TXNDC5: variants seen among roughly 807,000 people sequenced by gnomAD.
TXNDC5 encodes thioredoxin domain-containing protein 5.
TXNDC5 carries 44 observed loss-of-function variants against 52.6 expected under a neutral mutation model. The ratio of observed to expected loss-of-function variants is 0.84; its 90% CI spans 0.66 to 1.08. The LOEUF is 1.08. TXNDC5 is among the 50% of genes least tolerant of loss of function. TXNDC5 has a pLI of 0.00. For synonymous variants in TXNDC5, 241 were observed against 234.4 expected, an observed-to-expected ratio of 1.03 and a Z score of -0.26; for missense variants, 600 against 565.5, an observed-to-expected ratio of 1.06 and a Z score of -0.62.
chr6:7,910,661 T>C lies in TXNDC5; in HGVS notation c.116A>G (p.Gln39Arg). 8.7e-7 allele frequency: 1 copy of C among 1,146,158 alleles called. No individual in the cohort carries two copies. The highest frequency in any genetic ancestry group is 1.1e-6 in the Non-Finnish European group (1 of 921,290). The allele number at this position is 1,146,158 out of a possible 1,614,324, so 71.0% of individuals were successfully genotyped here. A position where few individuals can be genotyped will look rare whatever the true frequency, so the allele number is the denominator to read the frequency against. The change falls in exon 1 of 10, where the codon CAG (glutamine) becomes CGG (arginine). Residue 39 changes from glutamine to arginine, a missense_variant. By Grantham distance (43) the Gln-to-Arg change is conservative. Coordinates refer to ENST00000379757, the MANE Select transcript of TXNDC5 (RefSeq NM_030810.5). ...GTCCGCCGCCGCCGCCGCCGCCTCCTGGGCCCGGGCGCCCCAGCGCCCGCC... is the reference window on the plus strand; with the variant it reads ...GTCCGCCGCCGCCGCCGCCGCCTCCCGGGCCCGGGCGCCCCAGCGCCCGCC... ...GGGGRWGARAQEAAAAAADGP... is the reference protein window; with the variant it reads ...GGGGRWGARAREAAAAAADGP...
At chr6:7,894,861 C>G in intron 4 of TXNDC5, 3 of 985,416 alleles carry the variant, frequency 3.0e-6, no homozygotes, top group Non-Finnish European at 3.6e-6. Context: ...CACTGTCCAG[C>G]TAGTGTGCGG....
intron 1 of TXNDC5, 58 bp downstream of exon 1, chr6:7,910,456 G>A (rs1229904582): frequency 3.8e-5 from 50 of 1,302,254 alleles, no homozygotes; most frequent in Non-Finnish European, 4.7e-5. Context: ...GCGCCCAAGC[G>A]CCCCACGCCC....
chr6:7,906,303 C>T (rs759176076), intron 1 of TXNDC5, among the ~76,000 whole-genome samples: 3 of 151,858 alleles, frequency 2.0e-5, no homozygotes, highest in Admixed American at 6.6e-5. Context: ...TTTGGGAAGC[C>T]GAAGCAAGCG....
intron 3 of TXNDC5, among the ~76,000 whole-genome samples, chr6:7,896,210 C>G (rs1760364250): frequency 2.6e-5 from 4 of 152,140 alleles, no homozygotes; most frequent in Admixed American, 2.6e-4. Context: ...ATGGCATGAA[C>G]ATAAGCTGCA....
At chr6:7,901,603 C>T (rs1760569642) in intron 2 of TXNDC5, among the ~76,000 whole-genome samples, 1 of 152,192 alleles carries the variant, frequency 6.6e-6, no homozygotes, top group African/African-American at 2.4e-5. Context: ...CACTTCTGGT[C>T]CAGACCTTGC....
intron 1 of TXNDC5, among the ~76,000 whole-genome samples, chr6:7,907,538 C>T (rs1400152661): frequency 6.6e-6 from 1 of 152,182 alleles, no homozygotes; most frequent in Non-Finnish European, 1.5e-5. Context: ...AAGTGCAGGG[C>T]AAAAATACAC....
At chr6:7,889,859 C>T (rs568402906) in intron 5 of TXNDC5, among the ~76,000 whole-genome samples, 10 of 152,272 alleles carry the variant, frequency 6.6e-5, no homozygotes, top group South Asian at 4.1e-4. Flanking sequence ...CATTTTAACT[C>T]GAGCAAGTAA....
chr6:7,893,189 A>G (rs1033608357), intron 4 of TXNDC5, among the ~76,000 whole-genome samples: 9 of 152,230 alleles, frequency 5.9e-5, no homozygotes, highest in Non-Finnish European at 1.3e-4. Context: ...ACCAAACTGA[A>G]AGCAGGCTGT....
At chr6:7,905,001 C>T (rs900959758) in intron 1 of TXNDC5, among the ~76,000 whole-genome samples, 7 of 152,196 alleles carry the variant, frequency 4.6e-5, no homozygotes, top group Non-Finnish European at 5.9e-5. Context: ...GCTGACCTCC[C>T]GCTTGACTTC....
intron 1 of TXNDC5, among the ~76,000 whole-genome samples, chr6:7,908,679 A>G (rs1282984351): frequency 6.6e-6 from 1 of 152,050 alleles, no homozygotes; most frequent in Non-Finnish European, 1.5e-5. Context: ...AAAAACAACA[A>G]CAACAAAATA....
In TXNDC5 at chr6:7,884,463, G is replaced by A. The variant is rs145581599; in HGVS notation, c.1072C>T (p.Pro358Ser). The A allele has an allele frequency of 1.2e-3, 1,950 of 1,614,086 alleles. 7 individuals carry two copies. The highest frequency in any genetic ancestry group is 3.4e-3 in the South Asian group (311 of 91,078). Residue 358 changes from proline to serine, a missense_variant, in exon 9 of 10, where the codon CCT becomes TCT. Pro to Ser is a moderately conservative substitution (Grantham distance 74). Transcript: ENST00000379757. ...TTTTTAGAGAGTTCCTCCCAAGTAG[G>A]AGCCAGAGTCTTACAATGACCACAC... ...PWCGHCKTLA[P>S]TWEELSKKEF...
intron 3 of TXNDC5, among the ~76,000 whole-genome samples, chr6:7,895,602 G>A (rs1317444190): frequency 3.9e-5 from 6 of 152,222 alleles, no homozygotes; most frequent in African/African-American, 9.7e-5. Context: ...CCCAATGGAC[G>A]TATTCTGAAG....
chr6:7,903,673 C>CA (rs1163892229), intron 2 of TXNDC5, among the ~76,000 whole-genome samples: 1 of 152,216 alleles, frequency 6.6e-6, no homozygotes, highest in African/African-American at 2.4e-5. Flanking sequence ...CTATATTATT[C>CA]AATTAAGCAA....
intron 7 of TXNDC5, 21 bp downstream of exon 7, chr6:7,888,684 C>A: frequency 1.3e-6 from 2 of 1,597,568 alleles, no homozygotes; most frequent in Non-Finnish European, 1.7e-6. Flanking sequence ...TATGGGGATC[C>A]CGACTCCAGC....
At position 7,899,699 on chromosome 6, in the gene TXNDC5, G is replaced by T; in HGVS notation, c.414-18C>A. On this transcript the variant is annotated intron_variant, in intron 2 of 9. Coordinates refer to ENST00000379757, the MANE Select transcript of TXNDC5 (RefSeq NM_030810.5). ...GCTTTAAGCTGAAAGAATAACAAAG[G>T]ATTAGACAGAGCAAAAAGAAAGTTG... is the stretch of plus-strand genomic sequence containing the variant. 6.3e-7 allele frequency: 1 copy of T among 1,598,592 alleles called. No individual in the cohort carries two copies. The highest frequency in any genetic ancestry group is 8.5e-7 in the Non-Finnish European group (1 of 1,170,562).
chr6:7,905,177 GT>G (rs1345707865), intron 1 of TXNDC5, among the ~76,000 whole-genome samples: 1 of 152,138 alleles, frequency 6.6e-6, no homozygotes, highest in African/African-American at 2.4e-5. Context: ...TTCAGGTTTA[GT>G]TTGGGTGTCA....
chr6:7,903,491 T>C (rs967222429), intron 2 of TXNDC5, among the ~76,000 whole-genome samples: 1 of 152,144 alleles, frequency 6.6e-6, no homozygotes, highest in Admixed American at 6.5e-5. Flanking sequence ...GTAACAATGT[T>C]TGGGGGATCA....
At chr6:7,883,571 G>T (rs1000718968) in intron 9 of TXNDC5, among the ~76,000 whole-genome samples, 1 of 152,214 alleles carries the variant, frequency 6.6e-6, no homozygotes, top group African/African-American at 2.4e-5. Flanking sequence ...ATCTGCTGAA[G>T]GTGCAGATTT....
At chr6:7,899,525 C>CAGGGAGAGAGGGAGGGAGGG in intron 3 of TXNDC5, 51 bp downstream of exon 3, 2 of 1,046,682 alleles carry the variant, frequency 1.9e-6, no homozygotes, top group Non-Finnish European at 2.5e-6. Flanking sequence ...AAGATGTAGG[C>CAGGGAGAGAGGGAGGGAGGG]AGGGAGAGAG....
Sources: gnomAD v4.1 joint callset for allele counts (sites outside exome capture counted in the v4.1 genomes callset) on GRCh38, gnomAD v4.1.1 for gene constraint, MANE v1.5 for transcripts, NCBI Gene and HGNC (gene_info 2026-07-23, HGNC 2026-07-21) for gene names.